LRIG1: variants seen among roughly 807,000 people sequenced by gnomAD.
LRIG1 encodes leucine rich repeats and immunoglobulin like domains 1, also known as leucine-rich repeats and immunoglobulin-like domains protein 1.
Under a neutral mutation model 99.2 loss-of-function variants are expected in LRIG1, and 48 were observed. The observed-to-expected ratio is 0.48, with a 90% CI of 0.38 to 0.62. The LOEUF is 0.62. Ranked by LOEUF, LRIG1 falls within the 20% of genes least tolerant of loss-of-function variation. The pLI, the probability that LRIG1 is intolerant of heterozygous loss-of-function variation, is 0.00. For missense variants in LRIG1, 1,646 were observed against 1,434.4 expected, an observed-to-expected ratio of 1.15 and a Z score of -2.38; for synonymous variants, 772 against 596.1, an observed-to-expected ratio of 1.29 and a Z score of -4.30.
chr3:66,491,411 T>C (rs1291971676), intron 1 of LRIG1, among the ~76,000 whole-genome samples: 1 of 152,204 alleles, frequency 6.6e-6, no homozygotes, highest in Non-Finnish European at 1.5e-5. Flanking sequence ...TTAATCAGAA[T>C]TGCACATTCT....
chr3:66,476,616 G>A (rs1013306733), intron 1 of LRIG1, among the ~76,000 whole-genome samples: 1 of 152,072 alleles, frequency 6.6e-6, no homozygotes, highest in African/African-American at 2.4e-5. Context: ...CTCTTCCTGC[G>A]AGACACACTG....
At chr3:66,439,056 C>T (rs929288737) in intron 3 of LRIG1, among the ~76,000 whole-genome samples, 3 of 152,184 alleles carry the variant, frequency 2.0e-5, no homozygotes, top group African/African-American at 4.8e-5. Context: ...TCAGGGTTCT[C>T]GTTAACACAC....
rs543601324 is a variant in LRIG1 at position 66,384,421 on chromosome 3, T to C, written c.1790-149A>G. Reference sequence around the variant, plus strand: ...TGCCCAGGACCACTCCTGCCACCTGTGAATCAGGAACCCCCAGCTTCTCCC... The same window carrying C: ...TGCCCAGGACCACTCCTGCCACCTGCGAATCAGGAACCCCCAGCTTCTCCC... On this transcript the variant is annotated intron_variant, in intron 13 of 18. Transcript: ENST00000273261. The C allele has an allele frequency of 1.5e-5, 12 of 825,554 alleles. No homozygotes were observed. In the South Asian group the frequency reaches 1.8e-4, roughly 13 times the overall value. The allele number at this position is 825,554 out of a possible 1,614,324, so 51.1% of individuals were successfully genotyped here. A position where few individuals can be genotyped will look rare whatever the true frequency, so the allele number is the denominator to read the frequency against.
chr3:66,441,381 G>T (rs374480576), intron 3 of LRIG1, among the ~76,000 whole-genome samples: 2 of 152,200 alleles, frequency 1.3e-5, no homozygotes, highest in Admixed American at 1.3e-4. Context: ...ACACGTTTGG[G>T]CTCTGCCGAG....
intron 1 of LRIG1, among the ~76,000 whole-genome samples, chr3:66,491,341 C>T (rs1264876181): frequency 2.0e-5 from 3 of 152,084 alleles, no homozygotes; most frequent in Non-Finnish European, 4.4e-5. Flanking sequence ...GGATTTTAAT[C>T]AACAATTAAT....
intron 1 of LRIG1, among the ~76,000 whole-genome samples, chr3:66,465,671 A>G (rs983213581): frequency 1.3e-5 from 2 of 152,082 alleles, no homozygotes; most frequent in Non-Finnish European, 2.9e-5. Flanking sequence ...CGGCCTGAGC[A>G]TAATTTTTTT....
intron 3 of LRIG1, among the ~76,000 whole-genome samples, chr3:66,436,031 T>C (rs772704129): frequency 5.3e-5 from 8 of 152,142 alleles, no homozygotes; most frequent in Non-Finnish European, 1.2e-4. Flanking sequence ...ATTTCTGAAA[T>C]GTAGGGATAT....
chr3:66,407,314 G>A (rs767621563), intron 8 of LRIG1, 34 bp downstream of exon 8: 3 of 1,613,050 alleles, frequency 1.9e-6, no homozygotes, highest in Non-Finnish European at 1.7e-6. Context: ...CCCCACTGGG[G>A]ACCCCTTTAT....
intron 1 of LRIG1, among the ~76,000 whole-genome samples, chr3:66,469,999 C>T (rs1387901323): frequency 6.6e-6 from 1 of 151,662 alleles, no homozygotes; most frequent in African/African-American, 2.4e-5. Flanking sequence ...TCAGTAGCTA[C>T]AAATTGGTAG....
intron 16 of LRIG1, 85 bp from the exon 17 acceptor site, chr3:66,381,716 G>C (rs753058001): frequency 9.6e-6 from 14 of 1,455,406 alleles, no homozygotes; most frequent in Non-Finnish European, 2.8e-6. Context: ...AAGGCCGCTA[G>C]AACAGTCATT....
At chr3:66,474,112 C>G (rs963510591) in intron 1 of LRIG1, among the ~76,000 whole-genome samples, 6 of 152,138 alleles carry the variant, frequency 3.9e-5, no homozygotes, top group African/African-American at 1.4e-4. Flanking sequence ...TTATTGTACA[C>G]AGACTATGCT....
chr3:66,403,018 T>A (rs929367149), intron 9 of LRIG1, among the ~76,000 whole-genome samples: 1 of 152,188 alleles, frequency 6.6e-6, no homozygotes, highest in African/African-American at 2.4e-5. Context: ...CATGATCATA[T>A]GAGAAGCATT....
chr3:66,482,620 C>G (rs1700876628), intron 1 of LRIG1, among the ~76,000 whole-genome samples: 1 of 152,198 alleles, frequency 6.6e-6, no homozygotes, highest in South Asian at 2.1e-4. Context: ...TATTAAGAAT[C>G]TGCATATCCA....
At position 66,380,717 on chromosome 3, in the gene LRIG1, T is replaced by A. The variant is rs368529321; in HGVS notation, c.2915A>T (p.Gln972Leu). ...PNGPEPGGSD[Q>L]EHSPHHQCSR... The stretch of plus-strand genomic sequence containing the variant: ...GCACTGGTGATGTGGAGAATGCTCT[T>A]GGTCACTCCCACCCGGCTCCGGGCC... The change falls in exon 18 of 19, where the codon CAA becomes CTA. Residue 972 changes from glutamine (Q) to leucine (L), a missense_variant. Coordinates refer to ENST00000273261, the MANE Select transcript of LRIG1 (RefSeq NM_015541.3). 21 of 1,614,088 alleles carry A rather than the reference T, an allele frequency of 1.3e-5. No individual in the cohort carries two copies. Among genetic ancestry groups the A allele is most frequent in the South Asian group, 3.3e-5 (3 of 91,080 alleles).
chr3:66,418,348 C>T (rs1702688532), intron 3 of LRIG1, among the ~76,000 whole-genome samples: 1 of 152,214 alleles, frequency 6.6e-6, no homozygotes, highest in South Asian at 2.1e-4. Flanking sequence ...CCGCCTTGGC[C>T]TCCCAAAATG....
At chr3:66,399,406 G>C (rs935983760) in intron 9 of LRIG1, among the ~76,000 whole-genome samples, 1 of 152,188 alleles carries the variant, frequency 6.6e-6, no homozygotes, top group East Asian at 1.9e-4. Context: ...TAGTGATGGA[G>C]AGATGAGACT....
chr3:66,478,107 C>A (rs185025763), intron 1 of LRIG1, among the ~76,000 whole-genome samples: 1 of 152,324 alleles, frequency 6.6e-6, no homozygotes, highest in East Asian at 1.9e-4. Context: ...ATCCTATCAC[C>A]TCCACCATCT....
intron 1 of LRIG1, among the ~76,000 whole-genome samples, chr3:66,499,011 T>C (rs1701291025): frequency 6.6e-6 from 1 of 152,264 alleles, no homozygotes; most frequent in Non-Finnish European, 1.5e-5. Context: ...CTAAGGTTAC[T>C]GCTGTGCCTT....
chr3:66,453,249 G>T (rs376010596), intron 2 of LRIG1, among the ~76,000 whole-genome samples: 8 of 152,188 alleles, frequency 5.3e-5, no homozygotes, highest in African/African-American at 1.7e-4. Flanking sequence ...CATTGCTTGC[G>T]ATTTCTTCTC....
Sources: allele counts gnomAD v4.1 joint callset (sites outside exome capture counted in the v4.1 genomes callset), GRCh38; gene constraint gnomAD v4.1.1; transcripts MANE v1.5; gene names NCBI Gene and HGNC (gene_info 2026-07-23, HGNC 2026-07-21).